Variants in ADRA1B observed in about 807,000 individuals in gnomAD.
The protein encoded by ADRA1B is alpha-1B adrenergic receptor.
In ADRA1B, 17 loss-of-function variants were observed where a neutral mutation model predicts 17.9. The observed-to-expected ratio is 0.95, with a 90% confidence interval of 0.65 to 1.42. The LOEUF is 1.42. ADRA1B is among the 40% of genes most tolerant of loss of function. The pLI is 0.00. For synonymous variants in ADRA1B, 366 were observed against 327.6 expected (o/e 1.12, Z -1.27); for missense variants, 681 against 722.1 (o/e 0.94, Z 0.65).
chr5:159,939,631 T>G (rs1005314309), intron 1 of ADRA1B, among the ~76,000 whole-genome samples: 1 of 152,184 alleles, frequency 6.6e-6, no homozygotes, highest in African/African-American at 2.4e-5. Context: ...CTCTCATTTT[T>G]TCTGCCTGTA....
At chr5:159,988,537 C>T in the ADRA1B span, among the ~76,000 whole-genome samples, 1 of 152,212 alleles carries the variant, frequency 6.6e-6, no homozygotes, top group East Asian at 1.9e-4. Context: ...GGCCCTTCCC[C>T]TCTCCAGGAG....
At chr5:159,951,280 T>G in intron 1 of ADRA1B, 1 of 1,275,298 alleles carries the variant, frequency 7.8e-7, no homozygotes, top group Non-Finnish European at 1.1e-6. Flanking sequence ...AAGATGGTGA[T>G]GGGATTTCCA....
intron 1 of ADRA1B, among the ~76,000 whole-genome samples, chr5:159,898,601 C>A (rs1281597785): frequency 6.6e-6 from 1 of 152,180 alleles, no homozygotes; most frequent in Non-Finnish European, 1.5e-5. Context: ...TTTGAAAATA[C>A]TAATTATTGG....
In ADRA1B at chr5:159,971,785, T is replaced by C. The variant is rs182368738; in HGVS notation, c.950-94T>C. On this transcript the variant is annotated intron_variant, in intron 1 of 1. Coordinates refer to ENST00000306675, the MANE Select transcript of ADRA1B (RefSeq NM_000679.4). ...GGCCTGGCGGCAGGAACGCTGCAGG[T>C]TGACAATGTTGAGGAGAAGCATATT... The C allele has an allele frequency of 2.8e-4, 354 of 1,256,436 alleles. 4 individuals are homozygous for C. In the East Asian group the frequency reaches 8.4e-3, roughly 30 times the overall value. The allele number at this position is 1,256,436 out of a possible 1,614,324, so 77.8% of individuals were successfully genotyped here.
At chr5:159,946,149 A>G (rs1264844816) in intron 1 of ADRA1B, among the ~76,000 whole-genome samples, 2 of 152,224 alleles carry the variant, frequency 1.3e-5, no homozygotes, top group Non-Finnish European at 1.5e-5. Flanking sequence ...GCCGTGGTCC[A>G]GAAGAGATGA....
Position 159,917,364 on chromosome 5 carries a change from T to C in ADRA1B, c.459T>C (p.Tyr153=). The part of the protein sequence containing the change: ...RYIGVRYSLQ[Y]PTLVTRRKAI... ...TCGGGGTGCGCTACTCTCTGCAGTA[T>C]CCCACGCTGGTCACCCGGAGGAAGG... The change falls in exon 1 of 2, where the codon TAT becomes TAC. Residue 153 remains tyrosine (Y), a synonymous_variant. Coordinates refer to ENST00000306675, the MANE Select transcript of ADRA1B (RefSeq NM_000679.4). 1 of 1,614,136 alleles carries C rather than the reference T, an allele frequency of 6.2e-7. No homozygotes were observed. The highest frequency in any genetic ancestry group is 1.1e-5 in the South Asian group (1 of 91,084).
chr5:159,971,660 A>C (rs1755867558), intron 1 of ADRA1B, among the ~76,000 whole-genome samples: 1 of 152,196 alleles, frequency 6.6e-6, no homozygotes, highest in Non-Finnish European at 1.5e-5. Context: ...TCATGGACAA[A>C]GGCGAAGTTA....
At chr5:159,881,994 A>G (rs568565669) in intron 1 of ADRA1B, among the ~76,000 whole-genome samples, 33 of 152,254 alleles carry the variant, frequency 2.2e-4, no homozygotes, top group Non-Finnish European at 3.2e-4. Context: ...GCTCCTTAGC[A>G]TCTTGTCAAT....
chr5:159,903,368 G>A (rs770441263), intron 1 of ADRA1B, among the ~76,000 whole-genome samples: 10 of 152,260 alleles, frequency 6.6e-5, no homozygotes, highest in East Asian at 3.9e-4. Flanking sequence ...CCTAAATGAC[G>A]CAATATACTA....
chr5:159,988,520 T>A, the ADRA1B span, among the ~76,000 whole-genome samples: 1 of 152,224 alleles, frequency 6.6e-6, no homozygotes, highest in Non-Finnish European at 1.5e-5. Context: ...AGATTCTCTG[T>A]ATCACTGGCC....
intron 1 of ADRA1B, among the ~76,000 whole-genome samples, chr5:159,881,890 T>G (rs1561581553): frequency 6.6e-6 from 1 of 152,216 alleles, no homozygotes; most frequent in East Asian, 1.9e-4. Context: ...TTCAGAGCCA[T>G]GAAGTCCTGG....
chr5:159,941,279 G>A (rs11743425), intron 1 of ADRA1B, among the ~76,000 whole-genome samples: 19,874 of 152,222 alleles, frequency 0.13, 1,498 homozygotes, highest in Non-Finnish European at 0.16. Flanking sequence ...GATTTAGAAC[G>A]TTTTCATCAT....
chr5:159,926,157 A>C (rs1462464539), intron 1 of ADRA1B, among the ~76,000 whole-genome samples: 2 of 152,036 alleles, frequency 1.3e-5, no homozygotes, highest in Non-Finnish European at 1.5e-5. Flanking sequence ...TCCCAAATAC[A>C]CTTTGCATTT....
chr5:159,874,218 G>A (rs996508172), intron 1 of ADRA1B, among the ~76,000 whole-genome samples: 1 of 152,164 alleles, frequency 6.6e-6, no homozygotes, highest in Non-Finnish European at 1.5e-5. Flanking sequence ...AAGGCCTGAA[G>A]CTTGGTGGGG....
chr5:159,963,878 C>G (rs183389687), intron 1 of ADRA1B, among the ~76,000 whole-genome samples: 3 of 152,230 alleles, frequency 2.0e-5, no homozygotes, highest in African/African-American at 4.8e-5. Context: ...GACCCTTGCA[C>G]TTCTCAGTCC....
chr5:159,909,836 A>G lies in ADRA1B; in HGVS notation c.-255-6283A>G, dbSNP rs373787666. On this transcript the variant is annotated intron_variant, in intron 1 of 2. Transcript: ENST00000641205. ...CAAAAATAAAAGCAACAAAATGGAAATCAATTGATCAAGGGGCCCTGCCAA... is the reference window on the plus strand; with the variant it reads ...CAAAAATAAAAGCAACAAAATGGAAGTCAATTGATCAAGGGGCCCTGCCAA... Among the ~76,000 whole-genome samples the G allele has an allele frequency of 2.7e-3, 410 of 152,332 alleles. 6 individuals carry two copies. Among genetic ancestry groups the G allele is most frequent in the African/African-American group, 9.6e-3 (399 of 41,574 alleles).
At chr5:159,895,884 A>G (rs1172097481) in intron 1 of ADRA1B, among the ~76,000 whole-genome samples, 6 of 152,190 alleles carry the variant, frequency 3.9e-5, no homozygotes, top group Non-Finnish European at 7.3e-5. Context: ...TGGGATGCCA[A>G]GGTGGGTGGA....
downstream of ADRA1B, among the ~76,000 whole-genome samples, chr5:159,977,666 G>GT (rs1352284819): frequency 6.6e-6 from 1 of 152,164 alleles, no homozygotes; most frequent in Non-Finnish European, 1.5e-5. Flanking sequence ...TGGGCAATGA[G>GT]TGGCTGACTT....
chr5:159,926,123 A>G (rs1027277725), intron 1 of ADRA1B, among the ~76,000 whole-genome samples: 1 of 152,208 alleles, frequency 6.6e-6, no homozygotes, highest in Non-Finnish European at 1.5e-5. Flanking sequence ...AGTGCACTCA[A>G]TTGAAGTAAA....
Sources: allele counts gnomAD v4.1 joint callset (sites outside exome capture counted in the v4.1 genomes callset), GRCh38; gene constraint gnomAD v4.1.1; transcripts MANE v1.5; gene names NCBI Gene and HGNC (gene_info 2026-07-23, HGNC 2026-07-21).